Variants in GRAMD1B observed in about 807,000 individuals in gnomAD.
The protein encoded by GRAMD1B is protein Aster-B.
Under a neutral mutation model 99.7 loss-of-function variants are expected in GRAMD1B, and 37 were observed. The observed-to-expected ratio is 0.37, with a 90% CI of 0.29 to 0.49. The LOEUF is 0.49. Among genes scored for constraint, GRAMD1B ranks in the 20% least tolerant of loss-of-function variants. GRAMD1B has a pLI of 0.98. For synonymous variants in GRAMD1B, 427 were observed against 387.6 expected, an observed-to-expected ratio of 1.10 and a Z score of -1.19; for missense variants, 888 against 1,009.2, an observed-to-expected ratio of 0.88 and a Z score of 1.63.
rs1955358542 is a variant in GRAMD1B, at chr11:123,624,044, C to T, written c.*1449C>T. 1.3e-5 allele frequency: 2 copies of T among 152,232 alleles called. No homozygotes were observed. The highest frequency in any genetic ancestry group is 2.9e-5 in the Non-Finnish European group (2 of 68,046). 9.4% of individuals were successfully genotyped at this position (152,232 alleles called of 1,614,324 possible). A position where few individuals can be genotyped will look rare whatever the true frequency, so the allele number is the denominator to read the frequency against. On this transcript the variant is annotated 3_prime_UTR_variant, in exon 20 of 20. Transcript: ENST00000635736. Reference sequence around the variant, plus strand: ...GGCCCTCTGGGCACATTCATCATCCCTCATACACTAACTACTGTTTCTTCA... The same window carrying T: ...GGCCCTCTGGGCACATTCATCATCCTTCATACACTAACTACTGTTTCTTCA...
chr11:123,619,317 C>T (rs766207855), intron 19 of GRAMD1B, 93 bp downstream of exon 19: 59 of 1,531,082 alleles, frequency 3.9e-5, no homozygotes, highest in Non-Finnish European at 5.2e-5. Context: ...TCTATCACCA[C>T]CCTCCAGACT....
intron 2 of GRAMD1B, among the ~76,000 whole-genome samples, chr11:123,513,301 G>A (rs1369180884): frequency 6.6e-6 from 1 of 152,108 alleles, no homozygotes; most frequent in Non-Finnish European, 1.5e-5. Flanking sequence ...TCCTGGAGTA[G>A]AGCTTTTACA....
chr11:123,583,437 T>C (rs1351365152), intron 3 of GRAMD1B, among the ~76,000 whole-genome samples: 1 of 151,922 alleles, frequency 6.6e-6, no homozygotes, highest in East Asian at 1.9e-4. Flanking sequence ...TACTTGTGTA[T>C]TTGTGCGTGT....
intron 1 of GRAMD1B, among the ~76,000 whole-genome samples, chr11:123,466,235 C>T (rs1032435452): frequency 2.0e-5 from 3 of 150,716 alleles, no homozygotes; most frequent in African/African-American, 7.3e-5. Flanking sequence ...AGGATTACAG[C>T]ACTGCACTCC....
At position 123,624,273 on chromosome 11, in the gene GRAMD1B, C is replaced by G. The variant is rs1002855899; in HGVS notation, c.*1678C>G. On this transcript the variant is annotated 3_prime_UTR_variant, in exon 20 of 20. Coordinates refer to ENST00000635736, the MANE Select transcript of GRAMD1B (RefSeq NM_001387025.1). ...GACAGAAGATTTTATCACTCATCTA[C>G]CCCAAAGATAAAGTTGTATTTTTTT... The G allele has an allele frequency of 6.6e-6, 1 of 152,208 alleles. No homozygotes were observed. The highest frequency in any genetic ancestry group is 2.4e-5 in the African/African-American group (1 of 41,454). The allele number at this position is 152,208 out of a possible 1,614,324, so 9.4% of individuals were successfully genotyped here. A position where few individuals can be genotyped will look rare whatever the true frequency, so the allele number is the denominator to read the frequency against.
chr11:123,371,473 T>A (rs932639616), intron 1 of GRAMD1B, among the ~76,000 whole-genome samples: 12 of 152,208 alleles, frequency 7.9e-5, no homozygotes, highest in African/African-American at 2.9e-4. Flanking sequence ...CACAATGCCT[T>A]ACAATAAATT....
intron 1 of GRAMD1B, among the ~76,000 whole-genome samples, chr11:123,384,726 T>G (rs1232589634): frequency 6.6e-6 from 1 of 152,220 alleles, no homozygotes; most frequent in Non-Finnish European, 1.5e-5. Context: ...TCTCTTAGCC[T>G]GCTTCTCAAC....
At chr11:123,548,609 G>GCTTTACTTTCCTCCTGGGT (rs1945312484) in intron 2 of GRAMD1B, among the ~76,000 whole-genome samples, 1 of 150,564 alleles carries the variant, frequency 6.6e-6, no homozygotes. Flanking sequence ...TTAATTGAAT[G>GCTTTACTTTCCTCCTGGGT]CTTGAAATGA....
intron 2 of GRAMD1B, among the ~76,000 whole-genome samples, chr11:123,538,170 C>G (rs558656296): frequency 4.0e-4 from 60 of 151,808 alleles, no homozygotes; most frequent in Admixed American, 2.0e-3. Context: ...CCCATCCAAC[C>G]TCCTCTTCAC....
Position 123,471,441 on chromosome 11 carries a change from G to A in GRAMD1B, c.375-9375G>A, listed in dbSNP as rs185564232. Among the ~76,000 whole-genome samples, 152 of 152,174 alleles carry A rather than the reference G, an allele frequency of 1.0e-3. 1 individual carries two copies. The highest frequency in any genetic ancestry group is 3.4e-3 in the Middle Eastern group (1 of 294). On this transcript the variant is annotated intron_variant, in intron 1 of 19. Coordinates refer to ENST00000635736, the MANE Select transcript of GRAMD1B (RefSeq NM_001387025.1). Reference sequence around the variant, plus strand: ...TTAAATGAGTGTCTGAATGAGTCCCGGGAAACATTTTAGGACCAAATAGAA... The same window carrying A: ...TTAAATGAGTGTCTGAATGAGTCCCAGGAAACATTTTAGGACCAAATAGAA...
At chr11:123,367,734 G>C (rs1266416289) in intron 1 of GRAMD1B, among the ~76,000 whole-genome samples, 1 of 151,212 alleles carries the variant, frequency 6.6e-6, no homozygotes, top group East Asian at 1.9e-4. Flanking sequence ...GAACAGATTA[G>C]TTTTTTAGGA....
intron 1 of GRAMD1B, among the ~76,000 whole-genome samples, chr11:123,464,333 A>G (rs938301634): frequency 6.6e-6 from 1 of 152,112 alleles, no homozygotes; most frequent in African/African-American, 2.4e-5. Context: ...GATAATAATA[A>G]TAATAACATC....
At chr11:123,416,504 A>G (rs1948237491) in intron 1 of GRAMD1B, among the ~76,000 whole-genome samples, 1 of 152,246 alleles carries the variant, frequency 6.6e-6, no homozygotes, top group Admixed American at 6.5e-5. Flanking sequence ...AGGTCTTAAA[A>G]TAAATAAACC....
rs78099794 is a variant in GRAMD1B, at chr11:123,390,565, G to A, written c.-176+31766G>A. 2.8e-4 allele frequency among the ~76,000 whole-genome samples: 42 copies of A among 152,232 alleles called. 1 individual carries two copies. The East Asian group carries it at 7.5e-3, about 27-fold the overall frequency. ...TGATTCTCAGCATTTTTTTACATGG[G>A]TCAAATCCGTGTGTAATTTCTATTT... On this transcript the variant is annotated intron_variant, in intron 1 of 20. Transcript: ENST00000638157.
intron 14 of GRAMD1B, 27 bp from the exon 15 acceptor site, chr11:123,612,734 T>G: frequency 7.5e-7 from 1 of 1,327,484 alleles, no homozygotes; most frequent in Non-Finnish European, 1.1e-6. Flanking sequence ...AGGAAATGAC[T>G]GATCTTGTGT....
chr11:123,401,466 C>T (rs920575705), intron 1 of GRAMD1B, among the ~76,000 whole-genome samples: 15 of 152,256 alleles, frequency 9.9e-5, no homozygotes, highest in Non-Finnish European at 1.8e-4. Context: ...ACCCTACTGC[C>T]TCCCACGGGA....
chr11:123,388,681 T>TCAAACAAACAAACAAACAAA (rs35971361), intron 1 of GRAMD1B, among the ~76,000 whole-genome samples: 1 of 149,446 alleles, frequency 6.7e-6, no homozygotes, highest in Non-Finnish European at 1.5e-5. Flanking sequence ...AGACCCTGTT[T>TCAAACAAACAAACAAACAAA]CAAACAAACA....
intron 1 of GRAMD1B, chr11:123,454,455 A>G (rs1950023370): frequency 6.6e-6 from 1 of 152,134 alleles, no homozygotes; most frequent in Admixed American, 6.6e-5. Context: ...CGGTTTAGAG[A>G]GTGGTTAGTG....
At chr11:123,431,295 A>G in intron 1 of GRAMD1B, 129 bp downstream of exon 1, 1 of 593,034 alleles carries the variant, frequency 1.7e-6, no homozygotes, top group Non-Finnish European at 3.0e-6. Flanking sequence ...GCGCTTCTGG[A>G]GGGCGCTGCG....
Sources: gnomAD v4.1 joint callset for allele counts (sites outside exome capture counted in the v4.1 genomes callset) on GRCh38, gnomAD v4.1.1 for gene constraint, MANE v1.5 for transcripts, NCBI Gene and HGNC (gene_info 2026-07-23, HGNC 2026-07-21) for gene names.